The following CD8B variants were observed in gnomAD, a reference collection of about 807,000 sequenced individuals.
The protein encoded by CD8B is T-cell surface glycoprotein CD8 beta chain.
CD8B carries 6 observed loss-of-function variants against 24.2 expected under a neutral mutation model. That is an observed-to-expected ratio of 0.25 (90% CI 0.14 to 0.49). The LOEUF (loss-of-function observed/expected upper bound fraction) is 0.49. Among genes scored for constraint, CD8B ranks in the 20% least tolerant of loss-of-function variants. The pLI, the probability that CD8B is intolerant of heterozygous loss-of-function variation, is 0.98. For synonymous variants in CD8B, 84 were observed against 108.3 expected, an observed-to-expected ratio of 0.78 and a Z score of 1.39; for missense variants, 196 against 271.3, an observed-to-expected ratio of 0.72 and a Z score of 1.95.
intron 4 of CD8B, among the ~76,000 whole-genome samples, chr2:86,846,239 A>G (rs1201955557): frequency 6.6e-6 from 1 of 152,146 alleles, no homozygotes; most frequent in African/African-American, 2.4e-5. Context: ...GAGGATTTCT[A>G]GCTTCTAGGA....
chr2:86,827,492 C>T (rs535812048), intron 5 of CD8B, among the ~76,000 whole-genome samples: 11 of 152,054 alleles, frequency 7.2e-5, no homozygotes, highest in African/African-American at 2.4e-4. Flanking sequence ...GGCATGGTGG[C>T]ATGTGCCTGT....
At chr2:86,842,370 T>C (rs755861690) in intron 5 of CD8B, 51 bp from the exon 6 acceptor site, 5 of 1,581,730 alleles carry the variant, frequency 3.2e-6, no homozygotes, top group Non-Finnish European at 4.3e-6. Context: ...CAAACGATAT[T>C]GAATTTCCTG....
intron 5 of CD8B, among the ~76,000 whole-genome samples, chr2:86,828,918 T>A (rs1674794691): frequency 6.8e-6 from 1 of 146,186 alleles, no homozygotes. Flanking sequence ...CATATATACA[T>A]ACACACTCTT....
chr2:86,852,315 T>C (rs1676015919), intron 3 of CD8B, among the ~76,000 whole-genome samples: 2 of 152,250 alleles, frequency 1.3e-5, no homozygotes, highest in South Asian at 4.1e-4. Flanking sequence ...ATTTTTTGTT[T>C]GTTAACAGCT....
intron 5 of CD8B, among the ~76,000 whole-genome samples, chr2:86,830,113 G>A (rs541150203): frequency 6.6e-6 from 1 of 152,150 alleles, no homozygotes; most frequent in African/African-American, 2.4e-5. Context: ...ACCTAGGCTG[G>A]AGTGCAGTGG....
chr2:86,852,370 T>TTTAAACAAGGGG (rs1390310218), intron 3 of CD8B, among the ~76,000 whole-genome samples: 6 of 152,346 alleles, frequency 3.9e-5, no homozygotes, highest in Non-Finnish European at 8.8e-5. Flanking sequence ...GTTTAAAGTG[T>TTTAAACAAGGGG]ACAATGTCAT....
intron 5 of CD8B, among the ~76,000 whole-genome samples, chr2:86,817,169 A>T (rs1469182637): frequency 6.6e-6 from 1 of 152,228 alleles, no homozygotes. Context: ...ATGAGGGAGG[A>T]TATGACCAAA....
intron 5 of CD8B, among the ~76,000 whole-genome samples, chr2:86,844,413 G>A (rs1482467953): frequency 6.6e-6 from 1 of 151,926 alleles, no homozygotes; most frequent in East Asian, 1.9e-4. Context: ...AAATGAGGGT[G>A]ATAACCCCTT....
downstream of CD8B, among the ~76,000 whole-genome samples, chr2:86,834,935 C>CAAAAAA (rs59354571): frequency 3.2e-5 from 3 of 93,940 alleles, no homozygotes; most frequent in Non-Finnish European, 4.1e-5. Context: ...AACTCTGTCT[C>CAAAAAA]AAAAAAAAAA....
chr2:86,837,902 C>T (rs948606358), downstream of CD8B, among the ~76,000 whole-genome samples: 1 of 152,072 alleles, frequency 6.6e-6, no homozygotes, highest in African/African-American at 2.4e-5. Flanking sequence ...GCAGAGAACC[C>T]AGGCTCACCT....
intron 5 of CD8B, among the ~76,000 whole-genome samples, chr2:86,818,026 A>G (rs917436424): frequency 1.3e-5 from 2 of 152,106 alleles, no homozygotes; most frequent in African/African-American, 4.8e-5. Flanking sequence ...CCTGGCCAAC[A>G]TGATGAAACC....
chr2:86,854,469 G>C (rs1158145131), intron 2 of CD8B, among the ~76,000 whole-genome samples: 1 of 152,228 alleles, frequency 6.6e-6, no homozygotes, highest in East Asian at 1.9e-4. Context: ...GAACGCCAGA[G>C]ATGAGGGGAG....
At position 86,841,910 on chromosome 2, in the gene CD8B, C is replaced by G. The variant is rs1675447740; in HGVS notation, c.*397G>C. On this transcript the variant is annotated 3_prime_UTR_variant, in exon 6 of 6. Transcript: ENST00000390655. ...CAAGAGGGAGCCAGCCCAGCATCACCCCATGAAAGACCCAGGACCCAATGT... is the reference window on the plus strand; with the variant it reads ...CAAGAGGGAGCCAGCCCAGCATCACGCCATGAAAGACCCAGGACCCAATGT... 12 of 995,302 alleles carry G rather than the reference C, an allele frequency of 1.2e-5. No individual in the cohort carries two copies. In the South Asian group the frequency reaches 5.5e-4, roughly 46 times the overall value. 61.7% of individuals were successfully genotyped at this position (995,302 alleles called of 1,614,324 possible).
chr2:86,815,737 A>G (rs764329194), intron 5 of CD8B: 2 of 1,326,542 alleles, frequency 1.5e-6, no homozygotes, highest in South Asian at 2.3e-5. Flanking sequence ...AAGAAAAACA[A>G]GAGAGTCTCA....
intron 3 of CD8B, among the ~76,000 whole-genome samples, chr2:86,850,176 A>G (rs1015563032): frequency 4.6e-5 from 7 of 152,120 alleles, no homozygotes; most frequent in African/African-American, 1.7e-4. Context: ...ACTCTCCGGG[A>G]AAAGCTGCTG....
chr2:86,833,656 C>T (rs1317312753), downstream of CD8B, among the ~76,000 whole-genome samples: 1 of 127,044 alleles, frequency 7.9e-6, no homozygotes, highest in Non-Finnish European at 1.7e-5. Context: ...TTCCTTCCTT[C>T]CTTCCTTTTC....
At chr2:86,815,840 A>T (rs1248326812) in intron 5 of CD8B, 2 of 690,916 alleles carry the variant, frequency 2.9e-6, no homozygotes, top group Admixed American at 2.1e-5. Context: ...GTCAAATTCA[A>T]CACAGAAAGA....
chr2:86,823,107 T>A (rs1289204275), intron 5 of CD8B, among the ~76,000 whole-genome samples: 1 of 152,098 alleles, frequency 6.6e-6, no homozygotes, highest in Non-Finnish European at 1.5e-5. Flanking sequence ...TAAAACTCTG[T>A]ACCCACTAAG....
chr2:86,853,693 TTTTA>T (rs1160816053), intron 2 of CD8B, among the ~76,000 whole-genome samples: 1 of 151,850 alleles, frequency 6.6e-6, no homozygotes, highest in Non-Finnish European at 1.5e-5. Flanking sequence ...ATTTATTTAT[TTTTA>T]TTTATTTATT....
Sources: allele counts gnomAD v4.1 joint callset (sites outside exome capture counted in the v4.1 genomes callset), GRCh38; gene constraint gnomAD v4.1.1; transcripts MANE v1.5; gene names NCBI Gene and HGNC (gene_info 2026-07-23, HGNC 2026-07-21).